AFF2: variants seen among roughly 807,000 people sequenced by gnomAD.
AFF2 encodes AF4/FMR2 family member 2.
A neutral mutation model predicts 76.9 loss-of-function variants in AFF2; 14 were observed. The observed-to-expected ratio is 0.18, with a 90% CI of 0.12 to 0.28. The LOEUF is 0.28. Among genes scored for constraint, AFF2 ranks in the 10% least tolerant of loss-of-function variants. AFF2 has a pLI of 1.00. For missense variants in AFF2, 868 were observed against 1,001.1 expected (o/e 0.87, Z 1.79); for synonymous variants, 398 against 366.7 (o/e 1.09, Z -0.98).
intron 12 of AFF2, among the ~76,000 whole-genome samples, chrX:148,961,745 A>G (rs1486287581): frequency 2.7e-5 from 3 of 112,878 alleles, no homozygotes; most frequent in Non-Finnish European, 5.6e-5. Context: ...AGAGGAAAAC[A>G]TAAATTCTTG....
At chrX:148,701,093 A>C (rs1054728631) in intron 3 of AFF2, among the ~76,000 whole-genome samples, 2 of 103,048 alleles carry the variant, frequency 1.9e-5, no homozygotes, top group Admixed American at 2.2e-4. Flanking sequence ...CATTATGGTA[A>C]ATTGCCTTGG....
At chrX:148,843,044 T>G (rs782718262) in intron 6 of AFF2, 42 bp downstream of exon 6, 1 of 1,070,779 alleles carries the variant, frequency 9.3e-7, no homozygotes, top group East Asian at 3.0e-5. Context: ...AACATCCATG[T>G]CCTCTGCTCC....
At chrX:148,761,523 C>T (rs1346172014) in intron 3 of AFF2, among the ~76,000 whole-genome samples, 1 of 101,868 alleles carries the variant, frequency 9.8e-6, no homozygotes, top group Non-Finnish European at 2.0e-5. Flanking sequence ...TGAAAACATT[C>T]GCAATCCAGT....
At chrX:148,591,455 G>T (rs1370153748) in intron 1 of AFF2, among the ~76,000 whole-genome samples, 1 of 112,450 alleles carries the variant, frequency 8.9e-6, no homozygotes, top group Non-Finnish European at 1.9e-5. Flanking sequence ...CTCTCCTTCA[G>T]GAATGGAGCT....
chrX:148,991,498 C>T lies in AFF2; in HGVS notation c.*166C>T. 5.1e-6 allele frequency: 3 copies of T among 593,671 alleles called. No individual in the cohort carries two copies. The highest frequency in any genetic ancestry group is 7.2e-6 in the Non-Finnish European group (3 of 415,142). 48.9% of individuals were successfully genotyped at this position (593,671 alleles called of 1,213,427 possible). The stretch of plus-strand genomic sequence containing the variant: ...AAACAGAAGTCATTGTAAGTTGACA[C>T]TACAACTTAAGGGCAGTGTACGTTT... On this transcript the variant is annotated 3_prime_UTR_variant, in exon 21 of 21. Transcript: ENST00000370460.
chrX:148,971,104 A>C (rs1454107472), intron 15 of AFF2, among the ~76,000 whole-genome samples: 1 of 107,929 alleles, frequency 9.3e-6, no homozygotes, highest in East Asian at 2.9e-4. Context: ...TGATGATAGA[A>C]CCTTAAGCCG....
chrX:148,863,654 C>A (rs1438358936), intron 7 of AFF2, among the ~76,000 whole-genome samples: 1 of 111,014 alleles, frequency 9.0e-6, no homozygotes, highest in Non-Finnish European at 1.9e-5. Context: ...TGAGGAAATA[C>A]CAAGAGTAGG....
intron 1 of AFF2, among the ~76,000 whole-genome samples, chrX:148,603,636 GA>G (rs2053647622): frequency 1.8e-5 from 2 of 110,446 alleles, no homozygotes; most frequent in East Asian, 5.7e-4. Context: ...ACTTTCTCCA[GA>G]TGCAGTGAGC....
In AFF2 at chrX:148,521,396, ACACACACACACACACT is replaced by A. The variant is rs1185800860; in HGVS notation, c.47+20256_47+20271del. 2.6e-3 allele frequency among the ~76,000 whole-genome samples: 274 copies of A among 106,412 alleles called. 1 individual carries two copies. The highest frequency in any genetic ancestry group is 3.5e-3 in the Non-Finnish European group (182 of 51,890). 92.4% of individuals were successfully genotyped at this position (106,412 alleles called of 115,157 possible). On this transcript the variant is annotated intron_variant, in intron 1 of 20. Coordinates refer to ENST00000370460, the MANE Select transcript of AFF2 (RefSeq NM_002025.4). Reference sequence around the variant, plus strand: ...CATGCACACACACACACACACACACACACACACACACACACTCACTGAGACTTTTGCCTGGATCTTG... The same window carrying A: ...CATGCACACACACACACACACACACACACTGAGACTTTTGCCTGGATCTTG...
intron 1 of AFF2, among the ~76,000 whole-genome samples, chrX:148,626,924 A>G (rs2053932492): frequency 8.9e-6 from 1 of 111,938 alleles, no homozygotes; most frequent in Admixed American, 9.5e-5. Flanking sequence ...TCAAAATACT[A>G]TAAGACTGGG....
At chrX:148,841,943 A>T (rs2070605617) in intron 5 of AFF2, among the ~76,000 whole-genome samples, 1 of 111,972 alleles carries the variant, frequency 8.9e-6, no homozygotes, top group Non-Finnish European at 1.9e-5. Context: ...TGAGCAACAG[A>T]ATCATACTAA....
intron 3 of AFF2, among the ~76,000 whole-genome samples, chrX:148,806,248 C>G (rs112466053): frequency 8.9e-6 from 1 of 112,312 alleles, no homozygotes; most frequent in Non-Finnish European, 1.9e-5. Context: ...GCATTTGGGG[C>G]CGAGCCCCAG....
intron 4 of AFF2, among the ~76,000 whole-genome samples, chrX:148,819,794 T>C (rs909106717): frequency 8.9e-6 from 1 of 112,196 alleles, no homozygotes; most frequent in East Asian, 2.8e-4. Context: ...ATTTAAGTCT[T>C]CATTTTGGAT....
At chrX:148,558,548 C>T (rs782730251) in intron 1 of AFF2, among the ~76,000 whole-genome samples, 1 of 111,537 alleles carries the variant, frequency 9.0e-6, no homozygotes, top group Non-Finnish European at 1.9e-5. Context: ...ACAAGAGGAA[C>T]GTCAAGAAGA....
intron 3 of AFF2, among the ~76,000 whole-genome samples, chrX:148,770,287 G>C (rs1222743183): frequency 8.9e-6 from 1 of 111,795 alleles, no homozygotes; most frequent in Non-Finnish European, 1.9e-5. Flanking sequence ...TTCAGAAGCA[G>C]AAGATTATAT....
At chrX:148,953,816 C>A in intron 10 of AFF2, 77 bp downstream of exon 10, 2 of 347,831 alleles carry the variant, frequency 5.7e-6, no homozygotes, top group Non-Finnish European at 9.0e-6. Flanking sequence ...CACACACAGA[C>A]ACACACACAC....
At chrX:148,741,068 A>T (rs1557265597) in intron 3 of AFF2, among the ~76,000 whole-genome samples, 1 of 110,535 alleles carries the variant, frequency 9.0e-6, no homozygotes, top group Non-Finnish European at 1.9e-5. Flanking sequence ...GGTGCAATGG[A>T]CTCTGTGAGG....
chrX:148,927,174 T>G (rs2071660354), intron 9 of AFF2, among the ~76,000 whole-genome samples: 1 of 112,021 alleles, frequency 8.9e-6, no homozygotes, highest in Non-Finnish European at 1.9e-5. Context: ...ATTGGGACCT[T>G]GAGCATGGAC....
At chrX:148,583,799 C>G (rs963092581) in intron 1 of AFF2, among the ~76,000 whole-genome samples, 5 of 111,374 alleles carry the variant, frequency 4.5e-5, no homozygotes, top group Non-Finnish European at 7.5e-5. Context: ...CAATTATTCA[C>G]TATATATTAA....
Sources: gnomAD v4.1 joint callset for allele counts (sites outside exome capture counted in the v4.1 genomes callset) on GRCh38, gnomAD v4.1.1 for gene constraint, MANE v1.5 for transcripts, NCBI Gene and HGNC (gene_info 2026-07-23, HGNC 2026-07-21) for gene names.